The following PPP4R2 variants were observed in gnomAD, a reference collection of about 807,000 sequenced individuals.
The protein encoded by PPP4R2 is protein phosphatase 4 regulatory subunit 2.
Under a neutral mutation model 47.2 loss-of-function variants are expected in PPP4R2, and 13 were observed. The observed-to-expected ratio is 0.28, with a 90% CI of 0.18 to 0.44. The LOEUF is 0.44. Among genes scored for constraint, PPP4R2 ranks in the 20% least tolerant of loss-of-function variants. The pLI is 1.00. For synonymous variants in PPP4R2, 151 were observed against 163.3 expected (o/e 0.92, Z 0.57); for missense variants, 421 against 491.2 (o/e 0.86, Z 1.35).
chr3:73,049,492 C>G (rs1000457545), intron 3 of PPP4R2, among the ~76,000 whole-genome samples: 2 of 149,672 alleles, frequency 1.3e-5, no homozygotes, highest in African/African-American at 4.9e-5. Flanking sequence ...GAGTGAGACT[C>G]CATCTCAAAA....
Position 73,059,142 on chromosome 3 carries a change from AT to A in PPP4R2, c.381+14del. 2 of 1,299,932 alleles carry A rather than the reference AT, an allele frequency of 1.5e-6. No individual in the cohort carries two copies. Among genetic ancestry groups the A allele is most frequent in the South Asian group, 2.6e-5 (2 of 78,406 alleles). 80.5% of individuals were successfully genotyped at this position (1,299,932 alleles called of 1,614,324 possible). A position where few individuals can be genotyped will look rare whatever the true frequency, so the allele number is the denominator to read the frequency against. On this transcript the variant is annotated intron_variant, in intron 4 of 8. Coordinates refer to ENST00000356692, the MANE Select transcript of PPP4R2 (RefSeq NM_174907.4). ...GAGGAGTAGAAAAGGTATTTATTTT[AT>A]TATTGGAATTATATTATGCTGTGGT... is the stretch of plus-strand genomic sequence containing the variant.
At chr3:73,006,441 C>T (rs1018415740) in intron 2 of PPP4R2, among the ~76,000 whole-genome samples, 5 of 152,090 alleles carry the variant, frequency 3.3e-5, no homozygotes, top group Non-Finnish European at 7.3e-5. Context: ...CCACCTGCCT[C>T]GGCCTCCCAA....
At position 73,028,129 on chromosome 3, in the gene PPP4R2, C is replaced by G. The variant is rs149035955; in HGVS notation, c.117-19057C>G. Among the ~76,000 whole-genome samples, 1,067 of 151,628 alleles carry G rather than the reference C, an allele frequency of 7.0e-3. 12 individuals carry two copies. Among genetic ancestry groups the G allele is most frequent in the African/African-American group, 0.025 (1,028 of 41,304 alleles). The stretch of plus-strand genomic sequence containing the variant: ...AAAATTAGCCAGGCGTGGTGGCACA[C>G]GCCTGTCATCCTAGCTACTCAGGAA... On this transcript the variant is annotated intron_variant, in intron 2 of 8. Transcript: ENST00000356692.
intron 2 of PPP4R2, among the ~76,000 whole-genome samples, chr3:73,024,426 C>T (rs569531238): frequency 9.2e-5 from 14 of 152,058 alleles, no homozygotes; most frequent in Non-Finnish European, 2.1e-4. Flanking sequence ...GGGTTACCTG[C>T]GGAGAACCAA....
At chr3:73,036,221 G>C (rs1702259049) in intron 2 of PPP4R2, among the ~76,000 whole-genome samples, 1 of 152,306 alleles carries the variant, frequency 6.6e-6, no homozygotes, top group African/African-American at 2.4e-5. Context: ...GTAGAGAGTA[G>C]AATGAGGGTT....
At chr3:73,060,871 C>T (rs1469986256) in intron 4 of PPP4R2, 152 bp from the exon 5 acceptor site, 1 of 500,654 alleles carries the variant, frequency 2.0e-6, no homozygotes. Flanking sequence ...TTTGCTGTTT[C>T]ACCAGTTTTC....
intron 4 of PPP4R2, among the ~76,000 whole-genome samples, chr3:73,059,827 C>G (rs1434408817): frequency 6.6e-6 from 1 of 151,454 alleles, no homozygotes; most frequent in Non-Finnish European, 1.5e-5. Flanking sequence ...CCTAGCTACC[C>G]AGGAGGCTGA....
intron 7 of PPP4R2, 91 bp downstream of exon 7, chr3:73,064,237 T>G (rs1393945484): frequency 8.7e-7 from 1 of 1,149,722 alleles, no homozygotes; most frequent in Non-Finnish European, 1.2e-6. Context: ...TTATAAGTTC[T>G]GAGGGACAGA....
chr3:73,019,038 A>G (rs1372705883), intron 2 of PPP4R2, among the ~76,000 whole-genome samples: 3 of 152,220 alleles, frequency 2.0e-5, no homozygotes, highest in African/African-American at 7.2e-5. Context: ...GTACCATATA[A>G]TGACATTTTA....
chr3:73,047,927 A>G (rs1295559024), intron 3 of PPP4R2, among the ~76,000 whole-genome samples: 10 of 152,190 alleles, frequency 6.6e-5, no homozygotes, highest in Non-Finnish European at 1.3e-4. Context: ...CCTAGGCTGG[A>G]ATACAGTGGC....
chr3:73,020,160 G>C (rs562372295), intron 2 of PPP4R2, among the ~76,000 whole-genome samples: 1 of 152,248 alleles, frequency 6.6e-6, no homozygotes, highest in South Asian at 2.1e-4. Context: ...AGCATAGTCA[G>C]GTTATGTGGT....
chr3:72,997,159 G>C, intron 1 of PPP4R2, 88 bp downstream of exon 1: 2 of 1,097,834 alleles, frequency 1.8e-6, no homozygotes. Flanking sequence ...CGAGGACCGG[G>C]GCCGGGCGCG....
chr3:73,065,669 G>A lies in PPP4R2; in HGVS notation c.1201G>A (p.Glu401Lys), dbSNP rs1575896318. The A allele has an allele frequency of 1.2e-6, 2 of 1,610,542 alleles. No homozygotes were observed. The highest frequency in any genetic ancestry group is 1.7e-6 in the Non-Finnish European group (2 of 1,177,182). Residue 401 changes from glutamate (E) to lysine (K), a missense_variant, in exon 9 of 9, where the codon GAA (glutamate) becomes AAA (lysine). Coordinates refer to ENST00000356692, the MANE Select transcript of PPP4R2 (RefSeq NM_174907.4). ...TGEILSESSM[E>K]NDDEATEVTD... ...AGAGATTCTTTCAGAATCATCCATG[G>A]AAAATGATGACGAAGCCACAGAAGT...
intron 2 of PPP4R2, among the ~76,000 whole-genome samples, chr3:73,020,620 A>G (rs1173892442): frequency 6.7e-6 from 1 of 149,378 alleles, no homozygotes; most frequent in Non-Finnish European, 1.5e-5. Flanking sequence ...CATGGGGCCA[A>G]GATGGCACCA....
At chr3:73,064,359 T>C (rs1702938503) in intron 7 of PPP4R2, among the ~76,000 whole-genome samples, 1 of 152,172 alleles carries the variant, frequency 6.6e-6, no homozygotes, top group Admixed American at 6.6e-5. Context: ...AGACTGTTTA[T>C]GTAGGGTCTA....
intron 2 of PPP4R2, among the ~76,000 whole-genome samples, chr3:73,021,848 A>G (rs9814070): frequency 0.024 from 3,190 of 130,974 alleles, 90 homozygotes; most frequent in African/African-American, 0.063. Flanking sequence ...ACATTTCTAT[A>G]TGTGTGTGTG....
chr3:73,026,832 G>C (rs576380181), intron 2 of PPP4R2, among the ~76,000 whole-genome samples: 20 of 152,206 alleles, frequency 1.3e-4, no homozygotes, highest in Non-Finnish European at 2.8e-4. Flanking sequence ...GGCCTATACT[G>C]TTCCTGTAAC....
In PPP4R2 at chr3:73,065,729, A is replaced by G. The variant is rs773212925; in HGVS notation, c.*7A>G. On this transcript the variant is annotated 3_prime_UTR_variant, in exon 9 of 9. Transcript: ENST00000356692. The stretch of plus-strand genomic sequence containing the variant: ...ACCAATGGAACAAGACTAACTATTT[A>G]GAAACATTTAGATGCAGTATTTTAC... 9 of 1,567,868 alleles carry G rather than the reference A, an allele frequency of 5.7e-6. No individual in the cohort carries two copies. The highest frequency in any genetic ancestry group is 1.7e-6 in the Non-Finnish European group (2 of 1,150,198).
intron 2 of PPP4R2, among the ~76,000 whole-genome samples, chr3:73,036,690 C>A (rs923760764): frequency 3.3e-5 from 5 of 151,988 alleles, no homozygotes; most frequent in Admixed American, 3.3e-4. Flanking sequence ...TGATTTTTTT[C>A]TTCTTTTTTT....
Sources: allele counts gnomAD v4.1 joint callset (sites outside exome capture counted in the v4.1 genomes callset), GRCh38; gene constraint gnomAD v4.1.1; transcripts MANE v1.5; gene names NCBI Gene and HGNC (gene_info 2026-07-23, HGNC 2026-07-21).